The following TRAF3 variants were observed in gnomAD, a reference collection of about 807,000 sequenced individuals.
The protein encoded by TRAF3 is TNF receptor-associated factor 3.
TRAF3 carries 13 observed loss-of-function variants against 62.3 expected under a neutral mutation model. The ratio of observed to expected loss-of-function variants is 0.21; its 90% CI spans 0.14 to 0.33. TRAF3 has a LOEUF of 0.33. Ranked by LOEUF, TRAF3 falls within the 10% of genes least tolerant of loss-of-function variation. The pLI, the probability that TRAF3 is intolerant of heterozygous loss-of-function variation, is 1.00. For missense variants in TRAF3, 440 were observed against 741.8 expected (o/e 0.59, Z 4.73); for synonymous variants, 269 against 283.4 (o/e 0.95, Z 0.51).
At chr14:102,853,787 G>A (rs868441026) in intron 2 of TRAF3, among the ~76,000 whole-genome samples, 8 of 150,680 alleles carry the variant, frequency 5.3e-5, no homozygotes, top group Admixed American at 2.6e-4. Flanking sequence ...GCAGTGAGCC[G>A]AGATTGCGGC....
intron 1 of TRAF3, among the ~76,000 whole-genome samples, chr14:102,795,051 A>G (rs1039669503): frequency 3.9e-5 from 6 of 152,224 alleles, no homozygotes; most frequent in Admixed American, 1.3e-4. Context: ...AAGTAAGCCT[A>G]TATATCCTAA....
Position 102,876,255 on chromosome 14 carries a change from G to A in TRAF3, c.403-103G>A. On this transcript the variant is annotated intron_variant, in intron 5 of 11. Transcript: ENST00000392745. ...GTGGAAAACTGGTCTAACAGCAGAT[G>A]AGAAACATTTCTTTAGGGTTTCATT... 4.6e-6 allele frequency: 6 copies of A among 1,313,796 alleles called. No individual in the cohort carries two copies. In the Admixed American group the frequency reaches 1.1e-4, roughly 25 times the overall value. The allele number at this position is 1,313,796 out of a possible 1,614,324, so 81.4% of individuals were successfully genotyped here.
chr14:102,846,200 G>T (rs1034440994), intron 2 of TRAF3, among the ~76,000 whole-genome samples: 2 of 152,028 alleles, frequency 1.3e-5, no homozygotes, highest in African/African-American at 4.8e-5. Flanking sequence ...AGAAACACAT[G>T]CCTAAAGTGA....
At chr14:102,888,383 C>A (rs1889522506) in intron 7 of TRAF3, among the ~76,000 whole-genome samples, 1 of 152,194 alleles carries the variant, frequency 6.6e-6, no homozygotes, top group African/African-American at 2.4e-5. Context: ...AAGGTTGACC[C>A]TAGCAGTGGC....
Position 102,906,917 on chromosome 14 carries a change from ATGC to A in TRAF3, c.*1138_*1140del, listed in dbSNP as rs1890612005. The A allele has an allele frequency of 6.6e-6, 1 of 152,270 alleles. No individual in the cohort carries two copies. The highest frequency in any genetic ancestry group is 2.1e-4 in the South Asian group (1 of 4,830). 9.4% of individuals were successfully genotyped at this position (152,270 alleles called of 1,614,324 possible). The stretch of plus-strand genomic sequence containing the variant: ...ACGGCCCACGTGCCTTAGATGGGAC[ATGC>A]TGCTTCTCCACCCTGGGTTTGCATT... On this transcript the variant is annotated 3_prime_UTR_variant, in exon 12 of 12. Coordinates refer to ENST00000392745, the MANE Select transcript of TRAF3 (RefSeq NM_145725.3).
chr14:102,911,337 T>C lies in TRAF3; in HGVS notation c.*5553T>C, dbSNP rs546840773. The C allele has an allele frequency of 3.9e-5, 6 of 152,376 alleles. No homozygotes were observed. Among genetic ancestry groups the C allele is most frequent in the African/African-American group, 1.2e-4 (5 of 41,590 alleles). 9.4% of individuals were successfully genotyped at this position (152,376 alleles called of 1,614,324 possible). A position where few individuals can be genotyped will look rare whatever the true frequency, so the allele number is the denominator to read the frequency against. ...TACTGTTTTCTAGTTTTGTTTATTG[T>C]ATATTATGTGTGGTTTTATTTGGTA... is the stretch of plus-strand genomic sequence containing the variant. On this transcript the variant is annotated 3_prime_UTR_variant, in exon 12 of 12. Transcript: ENST00000392745.
chr14:102,822,096 A>G (rs962629063), intron 1 of TRAF3, among the ~76,000 whole-genome samples: 1 of 152,204 alleles, frequency 6.6e-6, no homozygotes, highest in African/African-American at 2.4e-5. Context: ...AAAGGTCATA[A>G]TAGAAAAATT....
chr14:102,866,428 G>A (rs1007379140), intron 2 of TRAF3, among the ~76,000 whole-genome samples: 14 of 152,104 alleles, frequency 9.2e-5, no homozygotes, highest in African/African-American at 2.4e-5. Flanking sequence ...TTAAAAAAAA[G>A]TCAAGCTATA....
At chr14:102,828,764 G>C (rs1240554595) in intron 1 of TRAF3, among the ~76,000 whole-genome samples, 1 of 152,136 alleles carries the variant, frequency 6.6e-6, no homozygotes, top group Non-Finnish European at 1.5e-5. Flanking sequence ...ATTTAGTCTT[G>C]ACAAATGCCC....
At chr14:102,841,437 T>G (rs2139680139) in intron 2 of TRAF3, among the ~76,000 whole-genome samples, 1 of 152,292 alleles carries the variant, frequency 6.6e-6, no homozygotes, top group Non-Finnish European at 1.5e-5. Flanking sequence ...CCCAGGGTGG[T>G]CTCAGGTAGA....
chr14:102,795,007 T>C (rs1461505830), intron 1 of TRAF3, among the ~76,000 whole-genome samples: 9 of 152,212 alleles, frequency 5.9e-5, no homozygotes, highest in Non-Finnish European at 5.9e-5. Context: ...AATATTTCTC[T>C]CTGTTCTTAA....
intron 2 of TRAF3, among the ~76,000 whole-genome samples, chr14:102,848,207 G>A (rs1475339252): frequency 1.3e-5 from 2 of 152,166 alleles, no homozygotes; most frequent in African/African-American, 4.8e-5. Flanking sequence ...TGAGGTGGGA[G>A]GATCTCTTGA....
intron 2 of TRAF3, among the ~76,000 whole-genome samples, chr14:102,854,179 A>G (rs1395251721): frequency 1.3e-5 from 2 of 152,056 alleles, no homozygotes; most frequent in Non-Finnish European, 2.9e-5. Flanking sequence ...TTGTTTATCC[A>G]TTTACCAGTT....
intron 1 of TRAF3, among the ~76,000 whole-genome samples, chr14:102,793,811 G>A (rs1897929261): frequency 6.6e-6 from 1 of 152,206 alleles, no homozygotes; most frequent in Admixed American, 6.5e-5. Context: ...AATGGTTGCT[G>A]AATAAGAAAC....
rs182889873 is a variant in TRAF3, at chr14:102,791,111, C to T, written c.-157+13436C>T. ...CTCGGCTCACTGCAACCTCCGCCTC[C>T]CGGGTTCATGCCATTCTCCTGCCTC... On this transcript the variant is annotated intron_variant, in intron 1 of 11. Transcript: ENST00000392745. Among the ~76,000 whole-genome samples the T allele has an allele frequency of 2.0e-4, 30 of 151,840 alleles. No homozygotes were observed. In the East Asian group the frequency reaches 5.6e-3, roughly 28 times the overall value.
intron 1 of TRAF3, among the ~76,000 whole-genome samples, chr14:102,783,161 G>A (rs1329454213): frequency 6.6e-6 from 1 of 152,188 alleles, no homozygotes; most frequent in Non-Finnish European, 1.5e-5. Flanking sequence ...AGACAGGAGG[G>A]ATGTGCCAGA....
In TRAF3 at chr14:102,781,994, A is replaced by G. The variant is rs913276736; in HGVS notation, c.-157+4319A>G. On this transcript the variant is annotated intron_variant, in intron 1 of 11. Transcript: ENST00000392745. ...TTTTTAGTAGAGATGGGGTTTCACC[A>G]TCTTGGCCAGGCTGGTCTCAAACTC... Among the ~76,000 whole-genome samples the G allele has an allele frequency of 1.1e-4, 16 of 152,122 alleles. 1 individual carries two copies. The highest frequency in any genetic ancestry group is 9.8e-4 in the Admixed American group (15 of 15,280).
intron 1 of TRAF3, among the ~76,000 whole-genome samples, chr14:102,794,875 A>G (rs1897985480): frequency 6.6e-6 from 1 of 152,176 alleles, no homozygotes; most frequent in Non-Finnish European, 1.5e-5. Flanking sequence ...ATCCTTGATC[A>G]TGTGTTTGTC....
At chr14:102,779,761 T>G (rs906157890) in intron 1 of TRAF3, among the ~76,000 whole-genome samples, 1 of 152,234 alleles carries the variant, frequency 6.6e-6, no homozygotes, top group African/African-American at 2.4e-5. Flanking sequence ...CTGAGCTAGC[T>G]CAAGCAAACA....
Sources: gnomAD v4.1 joint callset for allele counts (sites outside exome capture counted in the v4.1 genomes callset) on GRCh38, gnomAD v4.1.1 for gene constraint, MANE v1.5 for transcripts, NCBI Gene and HGNC (gene_info 2026-07-23, HGNC 2026-07-21) for gene names.